L3MBTL4: variants seen among roughly 807,000 people sequenced by gnomAD.
The protein encoded by L3MBTL4 is lethal(3)malignant brain tumor-like protein 4.
A neutral mutation model predicts 84.5 loss-of-function variants in L3MBTL4; 70 were observed. The observed-to-expected ratio is 0.83, with a 90% CI of 0.68 to 1.01. L3MBTL4 has a LOEUF of 1.01. L3MBTL4 is among the 50% of genes least tolerant of loss of function. The pLI is 0.00. For synonymous variants in L3MBTL4, 274 were observed against 259.8 expected (o/e 1.05, Z -0.52); for missense variants, 715 against 754.8 (o/e 0.95, Z 0.62).
intron 16 of L3MBTL4, among the ~76,000 whole-genome samples, chr18:6,063,909 T>C (rs594722): frequency 0.43 from 65,124 of 151,874 alleles, 15,290 homozygotes; most frequent in African/African-American, 0.62. Context: ...GCTTCTGGGG[T>C]CTTAGTCTTG....
chr18:6,283,203 C>A (rs1398017239), intron 4 of L3MBTL4, among the ~76,000 whole-genome samples: 3 of 152,214 alleles, frequency 2.0e-5, no homozygotes, highest in Non-Finnish European at 2.9e-5. Context: ...CAAGCACATG[C>A]CTCTGTCATT....
intron 16 of L3MBTL4, among the ~76,000 whole-genome samples, chr18:6,020,963 A>C (rs1460136778): frequency 6.6e-6 from 1 of 152,198 alleles, no homozygotes; most frequent in Non-Finnish European, 1.5e-5. Flanking sequence ...AGAGAGCTCC[A>C]TGAAATAATA....
rs2095218145 is a variant in L3MBTL4 at position 5,954,820 on chromosome 18, C to A, written c.*1400G>T. 1 of 148,234 alleles carries A rather than the reference C, an allele frequency of 6.7e-6. No individual in the cohort carries two copies. The highest frequency in any genetic ancestry group is 1.5e-5 in the Non-Finnish European group (1 of 66,692). The allele number at this position is 148,234 out of a possible 1,614,324, so 9.2% of individuals were successfully genotyped here. A position where few individuals can be genotyped will look rare whatever the true frequency, so the allele number is the denominator to read the frequency against. On this transcript the variant is annotated 3_prime_UTR_variant, in exon 19 of 19. Coordinates refer to ENST00000317931, the MANE Select transcript of L3MBTL4 (RefSeq NM_001330559.2). The stretch of plus-strand genomic sequence containing the variant: ...GGCAGTCTACAAAAAGCAAAACAAA[C>A]AAAACTCCACAGAAACAAAATTTAC...
rs369034463 is a variant in L3MBTL4, at chr18:6,400,472, C to A, written c.-91+14329G>T. Among the ~76,000 whole-genome samples, 6 of 152,282 alleles carry A rather than the reference C, an allele frequency of 3.9e-5. No individual in the cohort carries two copies. In the East Asian group the frequency reaches 1.2e-3, roughly 29 times the overall value. ...TCATCCAGGCTACAGTGCAGTGGTG[C>A]GAACATGGCTCACTGTAGCCTCAAC... is the stretch of plus-strand genomic sequence containing the variant. On this transcript the variant is annotated intron_variant, in intron 1 of 18. Transcript: ENST00000317931.
chr18:6,198,601 G>C (rs2045512889), intron 12 of L3MBTL4, among the ~76,000 whole-genome samples: 1 of 152,106 alleles, frequency 6.6e-6, no homozygotes, highest in South Asian at 2.1e-4. Context: ...CCTGCTTTAA[G>C]CTTCATCAAA....
intron 1 of L3MBTL4, among the ~76,000 whole-genome samples, chr18:6,317,481 G>A (rs1345520567): frequency 6.6e-6 from 1 of 152,026 alleles, no homozygotes; most frequent in Non-Finnish European, 1.5e-5. Flanking sequence ...TTTAACAACA[G>A]ACCTGATCAA....
At chr18:6,125,837 T>C (rs2059677045) in intron 14 of L3MBTL4, among the ~76,000 whole-genome samples, 1 of 152,248 alleles carries the variant, frequency 6.6e-6, no homozygotes, top group African/African-American at 2.4e-5. Flanking sequence ...AACATTCACA[T>C]GCACACACAT....
intron 16 of L3MBTL4, among the ~76,000 whole-genome samples, chr18:6,073,662 G>A (rs557720488): frequency 2.0e-5 from 3 of 151,984 alleles, no homozygotes; most frequent in Non-Finnish European, 4.4e-5. Context: ...GTAGTCAGGG[G>A]GTATAAAATT....
intron 13 of L3MBTL4, among the ~76,000 whole-genome samples, chr18:6,148,627 T>C (rs1268640974): frequency 6.6e-6 from 1 of 152,062 alleles, no homozygotes; most frequent in Non-Finnish European, 1.5e-5. Flanking sequence ...AGGGGGGTCA[T>C]GCTATGTTGC....
In L3MBTL4 at chr18:6,138,284, A is replaced by C. The variant is rs776742543; in HGVS notation, c.1109T>G (p.Leu370Arg). The C allele has an allele frequency of 2.5e-6, 4 of 1,610,420 alleles. No individual in the cohort carries two copies. The highest frequency in any genetic ancestry group is 3.4e-6 in the Non-Finnish European group (4 of 1,177,886). The change falls in exon 14 of 19, where the codon CTG (leucine) becomes CGG (arginine). Residue 370 changes from leucine (L) to arginine (R), a missense_variant. By Grantham distance (102) the Leu-to-Arg change is moderately radical (BLOSUM62 -2). Transcript: ENST00000317931. ...GACAGCTTGACCTGGAAGGATCTTC[A>C]GGTCATTCGTTCCTTCAGGAAGTAA... The part of the protein sequence containing the change: ...PLEVPQRTND[L>R]KILPGQAVCP...
intron 10 of L3MBTL4, among the ~76,000 whole-genome samples, chr18:6,235,415 G>T (rs1410225506): frequency 6.6e-6 from 1 of 151,838 alleles, no homozygotes; most frequent in Non-Finnish European, 1.5e-5. Flanking sequence ...TAACCAAAAG[G>T]TACAACTAAA....
chr18:6,031,054 A>G (rs2096565675), intron 16 of L3MBTL4: 1 of 985,306 alleles, frequency 1.0e-6, no homozygotes, highest in South Asian at 4.7e-5. Flanking sequence ...ACTGCTCCAT[A>G]AAACACTTAA....
At chr18:6,056,592 C>T (rs1048725808) in intron 16 of L3MBTL4, among the ~76,000 whole-genome samples, 33 of 152,104 alleles carry the variant, frequency 2.2e-4, no homozygotes, top group African/African-American at 8.0e-4. Context: ...CTCTATGCGA[C>T]AGGCAAGGAG....
At chr18:6,232,991 C>T (rs1028633074) in intron 10 of L3MBTL4, among the ~76,000 whole-genome samples, 2 of 152,028 alleles carry the variant, frequency 1.3e-5, no homozygotes, top group African/African-American at 4.8e-5. Flanking sequence ...GGGCTTCATC[C>T]CTGGGATGCA....
rs140956509 is a variant in L3MBTL4 at position 6,242,708 on chromosome 18, T to C, written c.460+586A>G. 4.8e-3 allele frequency among the ~76,000 whole-genome samples: 725 copies of C among 152,314 alleles called. 8 individuals are homozygous for C. The highest frequency in any genetic ancestry group is 0.017 in the African/African-American group (698 of 41,560). ...TGTACAGAAGTTTGCTGTGCAAAGA[T>C]ATGAGCCCGTCAGCATCATCCTTGA... On this transcript the variant is annotated intron_variant, in intron 7 of 18. Transcript: ENST00000317931.
chr18:6,041,400 T>C (rs1244157363), intron 16 of L3MBTL4, among the ~76,000 whole-genome samples: 1 of 152,164 alleles, frequency 6.6e-6, no homozygotes. Context: ...CCCCCCCTAA[T>C]TTCTCCAACC....
chr18:6,295,576 C>A (rs2050075003), intron 4 of L3MBTL4, among the ~76,000 whole-genome samples: 1 of 151,852 alleles, frequency 6.6e-6, no homozygotes, highest in Non-Finnish European at 1.5e-5. Context: ...AAGCTTAGCT[C>A]TTATAAACCA....
intron 1 of L3MBTL4, chr18:6,413,948 G>A (rs1291155058): frequency 6.6e-6 from 1 of 152,342 alleles, no homozygotes; most frequent in Non-Finnish European, 1.5e-5. Flanking sequence ...AAAAGCAGGG[G>A]ACAATACCCA....
intron 1 of L3MBTL4, among the ~76,000 whole-genome samples, chr18:6,398,591 C>T (rs1225046709): frequency 6.6e-6 from 1 of 152,154 alleles, no homozygotes. Context: ...CTGACTTCCT[C>T]GCCTTCTTGT....
Sources: allele counts gnomAD v4.1 joint callset (sites outside exome capture counted in the v4.1 genomes callset), GRCh38; gene constraint gnomAD v4.1.1; transcripts MANE v1.5; gene names NCBI Gene and HGNC (gene_info 2026-07-23, HGNC 2026-07-21).